DPY30: variants seen among roughly 807,000 people sequenced by gnomAD.
The protein encoded by DPY30 is protein dpy-30 homolog.
DPY30 carries 6 observed loss-of-function variants against 16.2 expected under a neutral mutation model. The observed-to-expected ratio is 0.37, with a 90% confidence interval of 0.20 to 0.73. DPY30 has a LOEUF of 0.73. DPY30 is among the 30% of genes least tolerant of loss of function. The pLI is 0.51. For missense variants in DPY30, 73 were observed against 113.1 expected, an observed-to-expected ratio of 0.65 and a Z score of 1.61; for synonymous variants, 39 against 38.8, an observed-to-expected ratio of 1.00 and a Z score of -0.02.
intron 4 of DPY30, among the ~76,000 whole-genome samples, chr2:32,024,964 G>A (rs1045574791): frequency 2.6e-5 from 4 of 152,148 alleles, no homozygotes; most frequent in African/African-American, 9.7e-5. Context: ...TTCTTGCTGA[G>A]AATACAAGTC....
At chr2:32,021,897 A>G (rs1041265298), downstream of DPY30, among the ~76,000 whole-genome samples, 1 of 152,134 alleles carries the variant, frequency 6.6e-6, no homozygotes, top group African/African-American at 2.4e-5. Context: ...CACTGCTAGA[A>G]GATTATTGAT....
At chr2:32,017,941 C>A (rs1264194822) in intron 5 of DPY30, among the ~76,000 whole-genome samples, 1 of 152,084 alleles carries the variant, frequency 6.6e-6, no homozygotes, top group Non-Finnish European at 1.5e-5. Flanking sequence ...TATAAGAGAC[C>A]TCAGAGATCT....
chr2:32,023,752 T>C (rs780605152), downstream of DPY30: 801 of 1,304,530 alleles, frequency 6.1e-4, 1 homozygote, highest in Non-Finnish European at 6.7e-4. Context: ...CTGAGAAAAA[T>C]TGGCTGAATT....
intron 5 of DPY30, among the ~76,000 whole-genome samples, chr2:32,012,419 CTTTTTTTTTT>C (rs397984233): frequency 1.6e-4 from 13 of 81,690 alleles, no homozygotes; most frequent in East Asian, 7.2e-4. Context: ...TCTCTTTTTT[CTTTTTTTTTT>C]TTTTTTTTTT....
At chr2:32,018,429 G>A (rs369820996) in intron 5 of DPY30, among the ~76,000 whole-genome samples, 1 of 152,052 alleles carries the variant, frequency 6.6e-6, no homozygotes, top group South Asian at 2.1e-4. Context: ...ATATTTTTAA[G>A]TTTAAAAAAA....
At chr2:32,027,289 A>C (rs1290164006) in intron 4 of DPY30, among the ~76,000 whole-genome samples, 1 of 146,318 alleles carries the variant, frequency 6.8e-6, no homozygotes, top group Non-Finnish European at 1.5e-5. Flanking sequence ...AAAAAAAAAA[A>C]CCAGCTGGGC....
intron 3 of DPY30, among the ~76,000 whole-genome samples, chr2:32,037,928 A>G (rs1286230279): frequency 6.6e-6 from 1 of 152,020 alleles, no homozygotes; most frequent in East Asian, 1.9e-4. Context: ...TTCTAAGCAC[A>G]GTAATAATAG....
At chr2:32,011,662 G>A (rs1674924859), downstream of DPY30, among the ~76,000 whole-genome samples, 1 of 152,230 alleles carries the variant, frequency 6.6e-6, no homozygotes, top group South Asian at 2.1e-4. Context: ...GACCTCTGAG[G>A]AAGTGTTATT....
intron 4 of DPY30, among the ~76,000 whole-genome samples, chr2:32,026,278 C>A (rs937840817): frequency 2.6e-5 from 4 of 152,062 alleles, no homozygotes; most frequent in Admixed American, 2.0e-4. Context: ...GGCATAGTGG[C>A]ACACGCCTGT....
intron 3 of DPY30, among the ~76,000 whole-genome samples, chr2:32,038,713 G>A (rs895008253): frequency 7.0e-6 from 1 of 142,842 alleles, no homozygotes; most frequent in Non-Finnish European, 1.5e-5. Flanking sequence ...GCAGTGGCGC[G>A]ATCTCAGCTC....
intron 3 of DPY30, among the ~76,000 whole-genome samples, chr2:32,037,418 C>T (rs1454094040): frequency 1.3e-5 from 2 of 152,128 alleles, no homozygotes; most frequent in Non-Finnish European, 2.9e-5. Flanking sequence ...GATCCTCCTG[C>T]TTCAGCCTCC....
At chr2:32,016,776 G>C (rs988766226) in intron 5 of DPY30, among the ~76,000 whole-genome samples, 3 of 151,810 alleles carry the variant, frequency 2.0e-5, no homozygotes, top group African/African-American at 7.3e-5. Context: ...CTCAATCTTT[G>C]TATTTATTTA....
rs1351833216 is a variant in DPY30, at chr2:32,030,655, CA to C, written c.85-920del. Among the ~76,000 whole-genome samples, 5 of 150,776 alleles carry C rather than the reference CA, an allele frequency of 3.3e-5. No homozygotes were observed. The East Asian group carries it at 9.7e-4, about 29-fold the overall frequency. On this transcript the variant is annotated intron_variant, in intron 3 of 4. Transcript: ENST00000342166. Reference sequence around the variant, plus strand: ...AAAAAAAAAAAAAAAAAAAATTATCCAGGCGTGGTAGTGCGTGCCTGTAGCC... The same window carrying C: ...AAAAAAAAAAAAAAAAAAAATTATCCGGCGTGGTAGTGCGTGCCTGTAGCC...
At chr2:32,029,852 A>G (rs1310328303) in intron 3 of DPY30, 116 bp from the exon 4 acceptor site, 1 of 1,121,394 alleles carries the variant, frequency 8.9e-7, no homozygotes, top group Non-Finnish European at 1.3e-6. Flanking sequence ...ATGACTAGAA[A>G]GATGGTACTA....
intron 4 of DPY30, among the ~76,000 whole-genome samples, chr2:32,027,920 G>A (rs962385087): frequency 1.3e-5 from 2 of 151,854 alleles, no homozygotes; most frequent in Non-Finnish European, 2.9e-5. Flanking sequence ...GAGCCACCAC[G>A]CCCGGCCCAA....
intron 5 of DPY30, among the ~76,000 whole-genome samples, chr2:32,018,245 C>T (rs544762638): frequency 1.3e-5 from 2 of 152,024 alleles, no homozygotes; most frequent in South Asian, 4.1e-4. Context: ...TAGCATTCTA[C>T]AAATTAATTC....
chr2:32,025,429 C>T (rs910832074), intron 4 of DPY30, among the ~76,000 whole-genome samples: 1 of 151,940 alleles, frequency 6.6e-6, no homozygotes, highest in Non-Finnish European at 1.5e-5. Context: ...TGCCACTGTA[C>T]TCCAGCCTGG....
chr2:32,032,650 A>C (rs1245764809), intron 3 of DPY30, among the ~76,000 whole-genome samples: 4 of 152,180 alleles, frequency 2.6e-5, no homozygotes, highest in African/African-American at 9.7e-5. Flanking sequence ...GCTTGAGCAC[A>C]GGAGTTTGAA....
At chr2:32,022,290 G>A (rs1675202502), downstream of DPY30, among the ~76,000 whole-genome samples, 2 of 151,342 alleles carry the variant, frequency 1.3e-5, no homozygotes, top group African/African-American at 4.9e-5. Flanking sequence ...ATTAACTTAT[G>A]AGTTAGCCAA....
Sources: allele counts gnomAD v4.1 joint callset (sites outside exome capture counted in the v4.1 genomes callset), GRCh38; gene constraint gnomAD v4.1.1; transcripts MANE v1.5; gene names NCBI Gene and HGNC (gene_info 2026-07-23, HGNC 2026-07-21).